The following TSNARE1 variants were observed in gnomAD, a reference collection of about 807,000 sequenced individuals.
The protein encoded by TSNARE1 is t-SNARE domain containing 1, also known as t-SNARE domain-containing protein 1.
A neutral mutation model predicts 62.0 loss-of-function variants in TSNARE1; 49 were observed. That is an observed-to-expected ratio of 0.79 (90% CI 0.63 to 1.00). TSNARE1 has a LOEUF of 1.00. TSNARE1 is among the 50% of genes least tolerant of loss of function. TSNARE1 has a pLI of 0.00. For synonymous variants in TSNARE1, 328 were observed against 294.4 expected, an observed-to-expected ratio of 1.11 and a Z score of -1.17; for missense variants, 755 against 700.1, an observed-to-expected ratio of 1.08 and a Z score of -0.88.
chr8:142,280,774 C>T (rs1215556899), intron 11 of TSNARE1, among the ~76,000 whole-genome samples: 1 of 152,136 alleles, frequency 6.6e-6, no homozygotes, highest in African/African-American at 2.4e-5. Flanking sequence ...ACAGCCACCT[C>T]TGGAAGCTGA....
intron 11 of TSNARE1, chr8:142,277,207 G>T: frequency 1.0e-6 from 1 of 985,348 alleles, no homozygotes; most frequent in Non-Finnish European, 1.2e-6. Flanking sequence ...TGCTCCACGG[G>T]GGCCCCTTGC....
At chr8:142,269,704 G>A in intron 12 of TSNARE1, 48 of 985,376 alleles carry the variant, frequency 4.9e-5, no homozygotes, top group Non-Finnish European at 5.8e-5. Context: ...TGGGACTGAG[G>A]TCATCTGGTT....
Position 142,229,517 on chromosome 8 carries a change from G to C in TSNARE1, c.1509C>G (p.Ile503Met), listed in dbSNP as rs2130071063. 1 of 1,614,132 alleles carries C rather than the reference G, an allele frequency of 6.2e-7. No individual in the cohort carries two copies. Among genetic ancestry groups the C allele is most frequent in the Non-Finnish European group, 8.5e-7 (1 of 1,179,996 alleles). Residue 503 changes from isoleucine to methionine, a missense_variant, in exon 13 of 14, where the codon ATC (isoleucine) becomes ATG (methionine). Physicochemically the swap from Ile to Met is conservative, Grantham distance 10. Transcript: ENST00000524325. ...GGACAGAGGTGGCGATGATGATGATGATGACAAGCAGGGCAGTGACTCCAG... is the reference window on the plus strand; with the variant it reads ...GGACAGAGGTGGCGATGATGATGATCATGACAAGCAGGGCAGTGACTCCAG... ...LSAGVTALLV[I>M]IIIIATSVRK
chr8:142,213,791 C>T (rs1052308790), intron 13 of TSNARE1, among the ~76,000 whole-genome samples: 2 of 152,202 alleles, frequency 1.3e-5, no homozygotes, highest in Non-Finnish European at 2.9e-5. Context: ...AGCCAGGTGC[C>T]CAGCAGGTGG....
chr8:142,377,338 C>T (rs1235629860), intron 1 of TSNARE1, among the ~76,000 whole-genome samples: 1 of 151,698 alleles, frequency 6.6e-6, no homozygotes, highest in Non-Finnish European at 1.5e-5. Flanking sequence ...CGAACACAGA[C>T]TTGGCAGCAT....
At chr8:142,383,039 T>C (rs997792388) in intron 1 of TSNARE1, among the ~76,000 whole-genome samples, 4 of 152,014 alleles carry the variant, frequency 2.6e-5, no homozygotes, top group Non-Finnish European at 4.4e-5. Context: ...GGACCCTCTC[T>C]GGAGAAGGGC....
At chr8:142,278,156 CAGGCCCATCGCCCA>C (rs1820803275) in intron 11 of TSNARE1, 1 of 985,210 alleles carries the variant, frequency 1.0e-6, no homozygotes, top group Non-Finnish European at 1.2e-6. Flanking sequence ...GCCTAGTGCC[CAGGCCCATCGCCCA>C]AGGCCCACAG....
chr8:142,311,456 C>G (rs1331549362), intron 9 of TSNARE1, among the ~76,000 whole-genome samples: 1 of 151,736 alleles, frequency 6.6e-6, no homozygotes, highest in African/African-American at 2.4e-5. Flanking sequence ...TGCCACCACA[C>G]CCGGCTAATT....
chr8:142,303,653 TG>T (rs1826161857), intron 9 of TSNARE1, among the ~76,000 whole-genome samples: 1 of 152,072 alleles, frequency 6.6e-6, no homozygotes, highest in Non-Finnish European at 1.5e-5. Context: ...ACCGAACCAG[TG>T]GATCTACAAA....
upstream of TSNARE1, chr8:142,404,086 C>T (rs1318756355): frequency 6.6e-6 from 1 of 152,280 alleles, no homozygotes; most frequent in African/African-American, 2.4e-5. Context: ...GAGGTTCTCC[C>T]GCCGCCCTCA....
At chr8:142,356,548 A>G (rs1563980382) in intron 1 of TSNARE1, among the ~76,000 whole-genome samples, 1 of 152,214 alleles carries the variant, frequency 6.6e-6, no homozygotes, top group African/African-American at 2.4e-5. Context: ...AAAAGCTCAG[A>G]TGTGGAAGAC....
chr8:142,274,155 G>A, intron 12 of TSNARE1: 1 of 985,408 alleles, frequency 1.0e-6, no homozygotes, highest in South Asian at 4.7e-5. Context: ...TGCCCGTCAG[G>A]GCCAGTGGGG....
At chr8:142,399,834 C>G (rs1161957380) in intron 1 of TSNARE1, among the ~76,000 whole-genome samples, 1 of 152,184 alleles carries the variant, frequency 6.6e-6, no homozygotes, top group Non-Finnish European at 1.5e-5. Flanking sequence ...AGGTCAAAGT[C>G]TACTTGTAGC....
intron 13 of TSNARE1, among the ~76,000 whole-genome samples, chr8:142,218,278 G>A (rs765148308): frequency 6.8e-4 from 34 of 50,234 alleles, no homozygotes; most frequent in South Asian, 1.7e-3. Flanking sequence ...TGTGGCCAGG[G>A]TCAGGGCTCA....
intron 2 of TSNARE1, among the ~76,000 whole-genome samples, chr8:142,347,739 C>T (rs1343871643): frequency 5.3e-5 from 4 of 75,664 alleles, no homozygotes; most frequent in Non-Finnish European, 8.0e-5. Context: ...CAGAAGGACA[C>T]GCCATCACCT....
intron 12 of TSNARE1, among the ~76,000 whole-genome samples, chr8:142,256,011 C>T: frequency 7.5e-6 from 1 of 132,474 alleles, no homozygotes; most frequent in Non-Finnish European, 1.7e-5. Flanking sequence ...CCACCACCAT[C>T]ACCATCACCA....
At chr8:142,342,509 G>A (rs75454980) in intron 4 of TSNARE1, among the ~76,000 whole-genome samples, 5,840 of 152,256 alleles carry the variant, frequency 0.038, 392 homozygotes, top group African/African-American at 0.13. Context: ...CAGTCCCGGG[G>A]CAGGGCATGT....
At position 142,402,056 on chromosome 8, in the gene TSNARE1, A is replaced by G. The variant is rs1838330059; in HGVS notation, c.-40+1048T>C. On this transcript the variant is annotated intron_variant, in intron 1 of 13. Coordinates refer to ENST00000524325, the MANE Select transcript of TSNARE1 (RefSeq NM_145003.5). ...GACAAACAAGAAATACTGTAGGGAG[A>G]GCGGTCAGAAAGGTGAGCTCAGACA... Among the ~76,000 whole-genome samples, 2 of 152,136 alleles carry G rather than the reference A, an allele frequency of 1.3e-5. 1 individual carries two copies. The highest frequency in any genetic ancestry group is 4.8e-5 in the African/African-American group (2 of 41,422).
intron 1 of TSNARE1, among the ~76,000 whole-genome samples, chr8:142,381,468 G>A (rs991312929): frequency 7.3e-5 from 11 of 150,692 alleles, no homozygotes; most frequent in African/African-American, 2.7e-4. Context: ...ACCTATCAGC[G>A]CCCCCCCCCA....
Sources: gnomAD v4.1 joint callset for allele counts (sites outside exome capture counted in the v4.1 genomes callset) on GRCh38, gnomAD v4.1.1 for gene constraint, MANE v1.5 for transcripts, NCBI Gene and HGNC (gene_info 2026-07-23, HGNC 2026-07-21) for gene names.